Variants in TMEM106B observed in about 807,000 individuals in gnomAD.
TMEM106B encodes the protein transmembrane protein 106B.
TMEM106B carries 15 observed loss-of-function variants against 31.1 expected under a neutral mutation model. The observed-to-expected ratio is 0.48, with a 90% CI of 0.32 to 0.74. The LOEUF (loss-of-function observed/expected upper bound fraction) is 0.74, where lower values mean the gene tolerates loss of function less well. TMEM106B is among the 30% of genes least tolerant of loss of function. TMEM106B has a pLI of 0.03. For missense variants in TMEM106B, 283 were observed against 327.3 expected, an observed-to-expected ratio of 0.86 and a Z score of 1.04; for synonymous variants, 126 against 112.5, an observed-to-expected ratio of 1.12 and a Z score of -0.76.
In TMEM106B at chr7:12,231,955, G is replaced by A. The variant is rs1782034296; in HGVS notation, c.805G>A (p.Val269Ile). The part of the protein sequence containing the change: ...YQLGQSEYLN[V>I]LQPQQ Reference sequence around the variant, plus strand: ...GTTGGGGCAGTCTGAATATTTAAATGTACTTCAGCCACAACAGTAAAAACT... The same window carrying A: ...GTTGGGGCAGTCTGAATATTTAAATATACTTCAGCCACAACAGTAAAAACT... The change falls in exon 8 of 8, where the codon GTA becomes ATA. Residue 269 changes from valine (V) to isoleucine (I), a missense_variant. Physicochemically the swap from Val to Ile is conservative, Grantham distance 29. Transcript: ENST00000396668. The A allele has an allele frequency of 1.2e-6, 2 of 1,611,508 alleles. No individual in the cohort carries two copies. Among genetic ancestry groups the A allele is most frequent in the Non-Finnish European group, 8.5e-7 (1 of 1,178,286 alleles).
Position 12,237,192 on chromosome 7 carries a change from G to T in TMEM106B, c.*5217G>T, listed in dbSNP as rs1381855073. 2.6e-5 allele frequency: 4 copies of T among 151,910 alleles called. No individual in the cohort carries two copies. In the East Asian group the frequency reaches 7.7e-4, roughly 29 times the overall value. 9.4% of individuals were successfully genotyped at this position (151,910 alleles called of 1,614,324 possible). Reference sequence around the variant, plus strand: ...TAATTCAGTTATAACTGTTACTCTTGTAGTTGTGTATGACGCAATAAAATT... The same window carrying T: ...TAATTCAGTTATAACTGTTACTCTTTTAGTTGTGTATGACGCAATAAAATT... On this transcript the variant is annotated 3_prime_UTR_variant, in exon 8 of 8. Coordinates refer to ENST00000396668, the MANE Select transcript of TMEM106B (RefSeq NM_001134232.2).
rs1782102476 is a variant in TMEM106B at position 12,235,034 on chromosome 7, T to A, written c.*3059T>A. ...GGAAATCCCTGCTGACTCAGATTGGTATGATTAAAAATGAGAGGAAAGTTC... is the reference window on the plus strand; with the variant it reads ...GGAAATCCCTGCTGACTCAGATTGGAATGATTAAAAATGAGAGGAAAGTTC... On this transcript the variant is annotated 3_prime_UTR_variant, in exon 8 of 8. Transcript: ENST00000396668. 1 of 152,224 alleles carries A rather than the reference T, an allele frequency of 6.6e-6. No individual in the cohort carries two copies. 9.4% of individuals were successfully genotyped at this position (152,224 alleles called of 1,614,324 possible).
chr7:12,228,236 T>G (rs1364741250), intron 4 of TMEM106B, among the ~76,000 whole-genome samples: 4 of 151,748 alleles, frequency 2.6e-5, no homozygotes, highest in Non-Finnish European at 4.4e-5. Context: ...AGCATATTCT[T>G]TCATCCTTTT....
chr7:12,215,991 T>A (rs1781679329), intron 2 of TMEM106B, among the ~76,000 whole-genome samples: 1 of 152,134 alleles, frequency 6.6e-6, no homozygotes, highest in South Asian at 2.1e-4. Flanking sequence ...TGTGTGACCC[T>A]GGAGATACCC....
chr7:12,218,608 A>C, intron 3 of TMEM106B, 87 bp downstream of exon 3: 1 of 1,090,334 alleles, frequency 9.2e-7, no homozygotes. Context: ...ACTAGTTAAA[A>C]CTATTAAAAG....
intron 6 of TMEM106B, 147 bp from the exon 7 acceptor site, chr7:12,230,915 C>T: frequency 3.8e-6 from 2 of 526,596 alleles, no homozygotes; most frequent in South Asian, 3.1e-5. Context: ...ATGAATATAT[C>T]AGTCATTGTT....
intron 1 of TMEM106B, chr7:12,214,142 C>G (rs1781637036): frequency 1.3e-5 from 2 of 152,162 alleles, no homozygotes; most frequent in African/African-American, 4.8e-5. Flanking sequence ...AATGGCCTTG[C>G]AAAGCTGTCT....
intron 1 of TMEM106B, among the ~76,000 whole-genome samples, chr7:12,213,726 A>T (rs1404732507): frequency 6.6e-6 from 1 of 152,220 alleles, no homozygotes; most frequent in Non-Finnish European, 1.5e-5. Context: ...TGTTTCAGAC[A>T]TTATTTTGAT....
intron 1 of TMEM106B, chr7:12,214,241 A>C (rs2043540): frequency 0.23 from 35,592 of 152,158 alleles, 4,257 homozygotes; most frequent in South Asian, 0.4. Flanking sequence ...AAGAGCCTGG[A>C]ATATTTTAAG....
intron 3 of TMEM106B, 45 bp downstream of exon 3, chr7:12,218,566 GT>G: frequency 6.5e-7 from 1 of 1,526,918 alleles, no homozygotes; most frequent in Non-Finnish European, 8.9e-7. Context: ...TTTTATTTTT[GT>G]TTTTTGTATT....
chr7:12,216,272 C>T (rs1230883295), intron 2 of TMEM106B, among the ~76,000 whole-genome samples: 3 of 151,586 alleles, frequency 2.0e-5, no homozygotes, highest in Admixed American at 6.6e-5. Flanking sequence ...CTTTTTTGGC[C>T]GCCTGGATAC....
At chr7:12,227,223 ATAAG>A (rs1351741722) in intron 4 of TMEM106B, among the ~76,000 whole-genome samples, 1 of 152,070 alleles carries the variant, frequency 6.6e-6, no homozygotes, top group Non-Finnish European at 1.5e-5. Context: ...TACATTATCT[ATAAG>A]TATGTTGAAA....
chr7:12,238,699 A>C lies in TMEM106B; in HGVS notation c.*6724A>C, dbSNP rs929884403. 1.1e-4 allele frequency: 17 copies of C among 152,126 alleles called. No individual in the cohort carries two copies. Among genetic ancestry groups the C allele is most frequent in the African/African-American group, 4.1e-4 (17 of 41,422 alleles). The allele number at this position is 152,126 out of a possible 1,614,324, so 9.4% of individuals were successfully genotyped here. A position where few individuals can be genotyped will look rare whatever the true frequency, so the allele number is the denominator to read the frequency against. The stretch of plus-strand genomic sequence containing the variant: ...GAAAACAACATTAATCTATTTGTAC[A>C]TCATCAGAGCTGTTGGGTGACCAGG... On this transcript the variant is annotated 3_prime_UTR_variant, in exon 8 of 8. Transcript: ENST00000396668.
chr7:12,213,739 G>C (rs1490950352), intron 1 of TMEM106B, among the ~76,000 whole-genome samples: 1 of 152,052 alleles, frequency 6.6e-6, no homozygotes, highest in Non-Finnish European at 1.5e-5. Flanking sequence ...ATTTTGATTG[G>C]ATATAATCCT....
At chr7:12,217,605 TGA>T (rs1159656287) in intron 2 of TMEM106B, among the ~76,000 whole-genome samples, 1 of 152,164 alleles carries the variant, frequency 6.6e-6, no homozygotes, top group East Asian at 1.9e-4. Flanking sequence ...TTTAGCCAGA[TGA>T]ATACCACTAA....
chr7:12,231,858 C>T lies in TMEM106B; in HGVS notation c.708C>T (p.Tyr236=). The T allele has an allele frequency of 1.9e-6, 3 of 1,602,256 alleles. No individual in the cohort carries two copies. Among genetic ancestry groups the T allele is most frequent in the Non-Finnish European group, 1.7e-6 (2 of 1,172,072 alleles). ...LMMQVTVTTT[Y]FGHSEQISQE... ...TTAGAGTTACTGTGACAACAACATA[C>T]TTTGGCCACTCTGAACAGATATCCC... The change falls in exon 8 of 8, where the codon TAC becomes TAT. Residue 236 remains tyrosine, a synonymous_variant. Coordinates refer to ENST00000396668, the MANE Select transcript of TMEM106B (RefSeq NM_001134232.2).
rs539785617 is a variant in TMEM106B at position 12,237,231 on chromosome 7, C to A, written c.*5256C>A. The stretch of plus-strand genomic sequence containing the variant: ...CGCAATAAAATTTGTAAAAAAATTT[C>A]AGCATGAAAAATAAAATTTGTATCA... On this transcript the variant is annotated 3_prime_UTR_variant, in exon 8 of 8. Transcript: ENST00000396668. The A allele has an allele frequency of 1.3e-3, 191 of 152,192 alleles. No homozygotes were observed. The highest frequency in any genetic ancestry group is 4.4e-3 in the African/African-American group (181 of 41,554). 9.4% of individuals were successfully genotyped at this position (152,192 alleles called of 1,614,324 possible).
chr7:12,223,722 C>CTT (rs34413750), intron 3 of TMEM106B, among the ~76,000 whole-genome samples: 1,397 of 135,658 alleles, frequency 0.01, 36 homozygotes, highest in African/African-American at 0.034. Context: ...AATGTGATTC[C>CTT]TTTTTTTTTT....
At chr7:12,231,281 GT>G in intron 7 of TMEM106B, 166 bp downstream of exon 7, 1 of 538,832 alleles carries the variant, frequency 1.9e-6, no homozygotes, top group Non-Finnish European at 3.3e-6. Flanking sequence ...TTACGAAATG[GT>G]TGTTCAGAGA....
Sources: allele counts gnomAD v4.1 joint callset (sites outside exome capture counted in the v4.1 genomes callset), GRCh38; gene constraint gnomAD v4.1.1; transcripts MANE v1.5; gene names NCBI Gene and HGNC (gene_info 2026-07-23, HGNC 2026-07-21).